FHOD3: variants seen among roughly 807,000 people sequenced by gnomAD.
The protein encoded by FHOD3 is formin homology 2 domain containing 3.
FHOD3 carries 90 observed loss-of-function variants against 173.0 expected under a neutral mutation model. The ratio of observed to expected loss-of-function variants is 0.52; its 90% CI spans 0.44 to 0.62. FHOD3 has a LOEUF of 0.62. Among genes scored for constraint, FHOD3 ranks in the 20% least tolerant of loss-of-function variants. FHOD3 has a pLI of 0.00. For synonymous variants in FHOD3, 828 were observed against 823.0 expected (o/e 1.01, Z -0.10); for missense variants, 1,945 against 2,034.7 (o/e 0.96, Z 0.85).
rs144334799 is a variant in FHOD3, at chr18:36,658,167, C to T, written c.1814C>T (p.Pro605Leu). ...ACCCCCACATCATCCGTCTCACCCC[C>T]ACAGGAGGCCAGGTTGGAAAGGTGA... ...PTTPTSSVSPPQEARLERSSP... is the reference protein window; with the variant it reads ...PTTPTSSVSPLQEARLERSSP... Residue 605 changes from proline (P) to leucine (L), a missense_variant, in exon 14 of 29, where the codon CCA (proline) becomes CTA (leucine). Pro to Leu is a moderately conservative substitution (Grantham distance 98). This residue lies in a region of FHOD3 where 1,099 missense variants were observed against 1,051.2 expected (regional missense o/e 1.05). Transcript: ENST00000590592. The T allele has an allele frequency of 2.5e-6, 4 of 1,586,950 alleles. No individual in the cohort carries two copies. The highest frequency in any genetic ancestry group is 2.8e-5 in the African/African-American group (2 of 72,622).
At chr18:36,615,628 G>A (rs2033126358) in intron 9 of FHOD3, among the ~76,000 whole-genome samples, 1 of 152,036 alleles carries the variant, frequency 6.6e-6, no homozygotes, top group Non-Finnish European at 1.5e-5. Flanking sequence ...CTATCTGTGT[G>A]TATACCATAA....
At position 36,769,134 on chromosome 18, in the gene FHOD3, T is replaced by G. The variant is rs1371122012; in HGVS notation, c.4625-131T>G. On this transcript the variant is annotated intron_variant, in intron 27 of 28. Transcript: ENST00000590592. ...AGCCCTCTGGATCTATCACTAGCTC[T>G]GGGGCTTTAACTCTGGCCTTCCCTG... The G allele has an allele frequency of 3.8e-6, 4 of 1,040,568 alleles. No individual in the cohort carries two copies. In the Admixed American group the frequency reaches 9.3e-5, roughly 24 times the overall value. 64.5% of individuals were successfully genotyped at this position (1,040,568 alleles called of 1,614,324 possible).
chr18:36,646,040 T>A (rs983275290), intron 10 of FHOD3, among the ~76,000 whole-genome samples: 4 of 152,148 alleles, frequency 2.6e-5, no homozygotes, highest in African/African-American at 9.7e-5. Context: ...CTCCATTTCT[T>A]CATAATGTTG....
intron 16 of FHOD3, among the ~76,000 whole-genome samples, chr18:36,691,486 C>T (rs2038959102): frequency 6.6e-6 from 1 of 152,220 alleles, no homozygotes; most frequent in Non-Finnish European, 1.5e-5. Flanking sequence ...GGAGGCCCTG[C>T]CTCTTACCCT....
intron 3 of FHOD3, among the ~76,000 whole-genome samples, chr18:36,431,085 C>T (rs376614122): frequency 6.6e-6 from 1 of 152,124 alleles, no homozygotes; most frequent in South Asian, 2.1e-4. Context: ...TTGAAATCAA[C>T]TAAAAAGGCT....
intron 20 of FHOD3, among the ~76,000 whole-genome samples, chr18:36,735,666 G>A (rs564537302): frequency 6.6e-6 from 1 of 152,228 alleles, no homozygotes; most frequent in East Asian, 1.9e-4. Context: ...GTTGCTACAG[G>A]AAAGTAACTA....
intron 1 of FHOD3, among the ~76,000 whole-genome samples, chr18:36,328,062 A>T (rs1677825897): frequency 6.6e-6 from 1 of 152,080 alleles, no homozygotes; most frequent in East Asian, 1.9e-4. Context: ...TTTCCACTTT[A>T]TCTGTTCAAA....
At position 36,654,065 on chromosome 18, in the gene FHOD3, G is replaced by T. The variant is rs553442951; in HGVS notation, c.1721+649G>T. ...CGTGGTGCTGCTGTCTGTCATTTAG[G>T]CAGTCAGTCACTTTCTCTCCTTACT... On this transcript the variant is annotated intron_variant, in intron 13 of 28. Transcript: ENST00000590592. 2.0e-5 allele frequency among the ~76,000 whole-genome samples: 3 copies of T among 152,170 alleles called. No homozygotes were observed. In the South Asian group the frequency reaches 6.3e-4, roughly 32 times the overall value.
At chr18:36,779,257 A>C in intron 28 of FHOD3, 191 bp from the exon 29 acceptor site, 2 of 585,408 alleles carry the variant, frequency 3.4e-6, no homozygotes, top group Non-Finnish European at 6.1e-6. Context: ...GTGTAGCCCC[A>C]AACTTTTGTC....
At chr18:36,706,005 ATGAG>A (rs2039860023) in intron 17 of FHOD3, among the ~76,000 whole-genome samples, 1 of 138,392 alleles carries the variant, frequency 7.2e-6, no homozygotes, top group Non-Finnish European at 1.6e-5. Flanking sequence ...GGAGAGAAGT[ATGAG>A]TGAGGGAAAT....
chr18:36,371,597 A>T (rs905204655), intron 2 of FHOD3, among the ~76,000 whole-genome samples: 4 of 152,258 alleles, frequency 2.6e-5, no homozygotes, highest in African/African-American at 9.6e-5. Flanking sequence ...ATCATATCAG[A>T]ATCAACAAAC....
At chr18:36,437,130 A>G (rs1018220851) in intron 3 of FHOD3, among the ~76,000 whole-genome samples, 1 of 151,576 alleles carries the variant, frequency 6.6e-6, no homozygotes, top group Non-Finnish European at 1.5e-5. Context: ...TTTTGTTTTG[A>G]TTTTTTGAGA....
intron 10 of FHOD3, among the ~76,000 whole-genome samples, chr18:36,637,062 A>G (rs115850593): frequency 1.7e-3 from 264 of 152,286 alleles, no homozygotes; most frequent in African/African-American, 6.3e-3. Context: ...CACATCCATG[A>G]TAGCTCATGT....
chr18:36,673,374 G>A (rs924684663), intron 14 of FHOD3, among the ~76,000 whole-genome samples: 2 of 152,202 alleles, frequency 1.3e-5, no homozygotes, highest in Non-Finnish European at 2.9e-5. Context: ...GATCAAGTAT[G>A]TAATTTTGGT....
intron 3 of FHOD3, among the ~76,000 whole-genome samples, chr18:36,398,413 C>G (rs2048651605): frequency 6.6e-6 from 1 of 152,202 alleles, no homozygotes; most frequent in Admixed American, 6.5e-5. Context: ...AAGCTGCTTT[C>G]AGTTCTTTTG....
chr18:36,565,767 A>G (rs2058241391), intron 5 of FHOD3, among the ~76,000 whole-genome samples: 1 of 152,216 alleles, frequency 6.6e-6, no homozygotes, highest in Non-Finnish European at 1.5e-5. Context: ...AAATGAAGTG[A>G]AGAGTGGGAA....
At chr18:36,315,145 A>G (rs1043471802) in intron 1 of FHOD3, among the ~76,000 whole-genome samples, 3 of 152,154 alleles carry the variant, frequency 2.0e-5, no homozygotes, top group African/African-American at 4.8e-5. Flanking sequence ...GCATCACTTT[A>G]TTTCTATGAA....
intron 27 of FHOD3, among the ~76,000 whole-genome samples, chr18:36,762,171 GT>G (rs2042910017): frequency 6.6e-6 from 1 of 152,096 alleles, no homozygotes; most frequent in Non-Finnish European, 1.5e-5. Context: ...AAAAATAACG[GT>G]AGTAATGATA....
intron 17 of FHOD3, among the ~76,000 whole-genome samples, chr18:36,693,945 GGT>G (rs1050431990): frequency 3.3e-5 from 5 of 152,038 alleles, no homozygotes; most frequent in Non-Finnish European, 7.4e-5. Context: ...GTTGGATGTG[GGT>G]GTGTGTGTGT....
Sources: allele counts gnomAD v4.1 joint callset (sites outside exome capture counted in the v4.1 genomes callset), GRCh38; gene constraint gnomAD v4.1.1; regional missense constraint gnomAD v4.1.1; transcripts MANE v1.5; gene names NCBI Gene and HGNC (gene_info 2026-07-23, HGNC 2026-07-21).